Variants in CHD1 observed in about 807,000 individuals in gnomAD.
CHD1 encodes the protein chromodomain helicase DNA binding protein 1.
In CHD1, 36 loss-of-function variants were observed where a neutral mutation model predicts 224.2. The ratio of observed to expected loss-of-function variants is 0.16; its 90% CI spans 0.12 to 0.21. The LOEUF (loss-of-function observed/expected upper bound fraction) is 0.21, where lower values mean the gene tolerates loss of function less well. CHD1 is among the 10% of genes least tolerant of loss of function. CHD1 has a pLI of 1.00. For missense variants in CHD1, 1,378 were observed against 1,994.8 expected (o/e 0.69, Z 5.89); for synonymous variants, 668 against 658.3 (o/e 1.01, Z -0.23).
chr5:98,874,199 T>C (rs189219417), intron 25 of CHD1, among the ~76,000 whole-genome samples: 79 of 152,278 alleles, frequency 5.2e-4, no homozygotes, highest in Non-Finnish European at 1.9e-4. Context: ...ATATCTATTT[T>C]TGAAGGGATT....
At position 98,854,286 on chromosome 5, in the gene CHD1, A is replaced by G. The variant is rs1747873878; in HGVS notation, c.*2094T>C. 1 of 152,104 alleles carries G rather than the reference A, an allele frequency of 6.6e-6. No homozygotes were observed. The highest frequency in any genetic ancestry group is 2.1e-4 in the South Asian group (1 of 4,832). The allele number at this position is 152,104 out of a possible 1,614,324, so 9.4% of individuals were successfully genotyped here. Reference sequence around the variant, plus strand: ...CTGACTGAAACTTTCAACTAAATGTAGCACTATTTAAAAAATTAGAGCCTT... The same window carrying G: ...CTGACTGAAACTTTCAACTAAATGTGGCACTATTTAAAAAATTAGAGCCTT... On this transcript the variant is annotated 3_prime_UTR_variant, in exon 36 of 36. Coordinates refer to ENST00000614616, the MANE Select transcript of CHD1 (RefSeq NM_001270.4).
At position 98,871,137 on chromosome 5, in the gene CHD1, C is replaced by T. The variant is rs1478155299; in HGVS notation, c.3862-334G>A. 1.3e-5 allele frequency among the ~76,000 whole-genome samples: 2 copies of T among 151,644 alleles called. 1 individual carries two copies. The highest frequency in any genetic ancestry group is 4.8e-5 in the African/African-American group (2 of 41,284). On this transcript the variant is annotated intron_variant, in intron 28 of 35. Coordinates refer to ENST00000614616, the MANE Select transcript of CHD1 (RefSeq NM_001270.4). ...TGTTATATAATCCTTAAACACCTTC[C>T]CTTCTCAGTAAAAGTGTACTTATAT...
intron 35 of CHD1, 52 bp downstream of exon 35, chr5:98,858,128 T>C: frequency 7.1e-7 from 1 of 1,404,914 alleles, no homozygotes; most frequent in Non-Finnish European, 1.0e-6. Flanking sequence ...AACATCATGA[T>C]AAGGAGAAAA....
At chr5:98,889,279 A>T (rs1439094004) in intron 15 of CHD1, 41 bp from the exon 16 acceptor site, 1 of 1,397,106 alleles carries the variant, frequency 7.2e-7, no homozygotes, top group African/African-American at 1.4e-5. Context: ...TAGCAGAACA[A>T]TTACCAGGAT....
rs118187541 is a variant in CHD1 at position 98,863,349 on chromosome 5, A to C, written c.4427+59T>G. The C allele has an allele frequency of 2.3e-3, 2,375 of 1,036,654 alleles. 34 individuals carry two copies. The East Asian group carries it at 0.037, about 16-fold the overall frequency. 64.2% of individuals were successfully genotyped at this position (1,036,654 alleles called of 1,614,324 possible). ...TTCAGAATCAGGAAAGAAAACAAAA[A>C]AAAAAAAAGACAGTTATATAATATA... On this transcript the variant is annotated intron_variant, in intron 32 of 35. Coordinates refer to ENST00000614616, the MANE Select transcript of CHD1 (RefSeq NM_001270.4).
At chr5:98,872,903 G>A (rs1408549813) in intron 26 of CHD1, among the ~76,000 whole-genome samples, 1 of 152,188 alleles carries the variant, frequency 6.6e-6, no homozygotes, top group Middle Eastern at 3.4e-3. Context: ...GCTCACTGCA[G>A]TCTTGACCTC....
intron 1 of CHD1, 33 bp from the exon 2 acceptor site, chr5:98,926,567 T>G: frequency 2.5e-6 from 1 of 393,608 alleles, no homozygotes; most frequent in Non-Finnish European, 4.4e-6. Context: ...TTAACAAAAT[T>G]TCCTGCAGAA....
intron 31 of CHD1, among the ~76,000 whole-genome samples, chr5:98,867,958 A>G (rs1269352390): frequency 2.0e-5 from 3 of 151,750 alleles, no homozygotes; most frequent in African/African-American, 7.3e-5. Flanking sequence ...GCTCGCCAAC[A>G]CACCCAGTTA....
In CHD1 at chr5:98,877,230, C is replaced by T. The variant is rs879292209; in HGVS notation, c.3238-672G>A. Among the ~76,000 whole-genome samples the T allele has an allele frequency of 7.2e-5, 11 of 152,000 alleles. No homozygotes were observed. In the South Asian group the frequency reaches 1.0e-3, roughly 14 times the overall value. On this transcript the variant is annotated intron_variant, in intron 23 of 35. Coordinates refer to ENST00000614616, the MANE Select transcript of CHD1 (RefSeq NM_001270.4). ...CAAAGAGAGACCAGACAAATCTATACGATAGAATGCTGAGACACCATTAAA... is the reference window on the plus strand; with the variant it reads ...CAAAGAGAGACCAGACAAATCTATATGATAGAATGCTGAGACACCATTAAA...
intron 10 of CHD1, 107 bp from the exon 11 acceptor site, chr5:98,897,427 C>A (rs1751415787): frequency 1.3e-6 from 1 of 767,406 alleles, no homozygotes; most frequent in Admixed American, 3.2e-5. Flanking sequence ...CATCTCTAAT[C>A]ATCAAGCTCA....
intron 33 of CHD1, among the ~76,000 whole-genome samples, chr5:98,859,757 T>G (rs953999118): frequency 2.0e-5 from 3 of 152,126 alleles, no homozygotes; most frequent in Admixed American, 2.0e-4. Context: ...AATAAACATT[T>G]CAGAGGAGAT....
At position 98,899,337 on chromosome 5, in the gene CHD1, T is replaced by C. The variant is rs1580464169; in HGVS notation, c.1085+143A>G. 8.3e-6 allele frequency: 5 copies of C among 599,742 alleles called. No individual in the cohort carries two copies. The East Asian group carries it at 1.4e-4, about 17-fold the overall frequency. 37.2% of individuals were successfully genotyped at this position (599,742 alleles called of 1,614,324 possible). On this transcript the variant is annotated intron_variant, in intron 8 of 35. Coordinates refer to ENST00000614616, the MANE Select transcript of CHD1 (RefSeq NM_001270.4). ...TGGTTGAAACCAAGGATAGAGAAGC[T>C]GTGGACAAAGACAGCCAACTGTATT...
At chr5:98,895,238 G>A (rs531793050) in intron 12 of CHD1, among the ~76,000 whole-genome samples, 13 of 151,486 alleles carry the variant, frequency 8.6e-5, no homozygotes, top group African/African-American at 2.7e-4. Flanking sequence ...TTTCACAAAC[G>A]AAAAGGTCTT....
In CHD1 at chr5:98,894,582, G is replaced by T; in HGVS notation, c.1800+15C>A. Reference sequence around the variant, plus strand: ...ATATACAAGAGACCAAAACACGTGAGAAATAAATACATACCTTATCTTTTA... The same window carrying T: ...ATATACAAGAGACCAAAACACGTGATAAATAAATACATACCTTATCTTTTA... On this transcript the variant is annotated intron_variant, in intron 13 of 35. Coordinates refer to ENST00000614616, the MANE Select transcript of CHD1 (RefSeq NM_001270.4). 1 of 1,067,896 alleles carries T rather than the reference G, an allele frequency of 9.4e-7. No homozygotes were observed. The highest frequency in any genetic ancestry group is 1.6e-5 in the South Asian group (1 of 64,498). 66.2% of individuals were successfully genotyped at this position (1,067,896 alleles called of 1,614,324 possible).
chr5:98,916,823 A>G (rs192461803), intron 2 of CHD1, among the ~76,000 whole-genome samples: 1 of 152,262 alleles, frequency 6.6e-6, no homozygotes, highest in East Asian at 1.9e-4. Flanking sequence ...ATCCTTCACT[A>G]TAAAATACAT....
intron 31 of CHD1, among the ~76,000 whole-genome samples, chr5:98,867,025 A>T (rs1748926073): frequency 6.6e-6 from 1 of 152,174 alleles, no homozygotes; most frequent in Non-Finnish European, 1.5e-5. Flanking sequence ...TACATGTACC[A>T]ATTCATTTAA....
intron 24 of CHD1, among the ~76,000 whole-genome samples, chr5:98,875,796 G>A (rs1749703865): frequency 6.6e-6 from 1 of 152,042 alleles, no homozygotes; most frequent in Admixed American, 6.6e-5. Context: ...ATACAAAACT[G>A]AATAAGATTT....
chr5:98,863,775 G>C (rs1199373215), intron 31 of CHD1, among the ~76,000 whole-genome samples, 189 bp from the exon 32 acceptor site: 1 of 152,056 alleles, frequency 6.6e-6, no homozygotes, highest in African/African-American at 2.4e-5. Flanking sequence ...TTCTTCAGGA[G>C]AGCAAGCCTT....
chr5:98,884,057 GT>G lies in CHD1; in HGVS notation c.2569-821del, dbSNP rs1750447179. On this transcript the variant is annotated intron_variant, in intron 18 of 35. Coordinates refer to ENST00000614616, the MANE Select transcript of CHD1 (RefSeq NM_001270.4). ...CGGTTTCACCATGTTGGCCAGGCTGGTCTCTAACTCTTTGTTTTTTGTTTTT... is the reference window on the plus strand; with the variant it reads ...CGGTTTCACCATGTTGGCCAGGCTGGCTCTAACTCTTTGTTTTTTGTTTTT... Among the ~76,000 whole-genome samples the G allele has an allele frequency of 2.0e-5, 3 of 146,654 alleles. 1 individual carries two copies. Among genetic ancestry groups the G allele is most frequent in the Middle Eastern group, 3.4e-3 (1 of 292 alleles).
Sources: allele counts gnomAD v4.1 joint callset (sites outside exome capture counted in the v4.1 genomes callset), GRCh38; gene constraint gnomAD v4.1.1; transcripts MANE v1.5; gene names NCBI Gene and HGNC (gene_info 2026-07-23, HGNC 2026-07-21).